Variants in AASS observed in about 807,000 individuals in gnomAD.
AASS encodes aminoadipate-semialdehyde synthase, also known as alpha-aminoadipic semialdehyde synthase, mitochondrial.
Under a neutral mutation model 105.4 loss-of-function variants are expected in AASS, and 86 were observed. The observed-to-expected ratio is 0.82, with a 90% CI of 0.69 to 0.98. The LOEUF (loss-of-function observed/expected upper bound fraction) is 0.98, where lower values mean the gene tolerates loss of function less well. AASS is among the 50% of genes least tolerant of loss of function. The probability of loss-of-function intolerance (pLI) is 0.00; values close to 1 mark genes in which losing one functional copy is unlikely to be tolerated. For synonymous variants in AASS, 381 were observed against 394.8 expected, an observed-to-expected ratio of 0.96 and a Z score of 0.41; for missense variants, 1,048 against 1,143.2, an observed-to-expected ratio of 0.92 and a Z score of 1.20.
intron 17 of AASS, 89 bp downstream of exon 17, chr7:122,092,754 A>G (rs554942650): frequency 1.8e-6 from 2 of 1,099,852 alleles, no homozygotes; most frequent in East Asian, 4.7e-5. Context: ...CTTTGATTAA[A>G]GGTGTTGCTA....
intron 4 of AASS, among the ~76,000 whole-genome samples, chr7:122,122,382 C>T (rs1447637019): frequency 6.6e-6 from 1 of 152,032 alleles, no homozygotes; most frequent in Non-Finnish European, 1.5e-5. Flanking sequence ...TATTTGGAGT[C>T]CCAGAAGGAA....
At chr7:122,125,792 ACT>A (rs57710520) in intron 4 of AASS, among the ~76,000 whole-genome samples, 94,686 of 151,366 alleles carry the variant, frequency 0.63, 31,405 homozygotes, top group African/African-American at 0.87. Flanking sequence ...AAGAGAAGTT[ACT>A]ATTTATTCCT....
chr7:122,115,051 C>T (rs759954179), intron 9 of AASS, 23 bp downstream of exon 9: 50 of 1,613,940 alleles, frequency 3.1e-5, no homozygotes, highest in East Asian at 6.7e-5. Context: ...AAACTACTAT[C>T]GTTGCTGAAG....
Position 122,086,038 on chromosome 7 carries a change from A to T in AASS, c.2158T>A (p.Leu720Met). 1.9e-6 allele frequency: 3 copies of T among 1,613,692 alleles called. No individual in the cohort carries two copies. The highest frequency in any genetic ancestry group is 2.5e-6 in the Non-Finnish European group (3 of 1,179,762). Reference sequence around the variant, plus strand: ...TTATATCTCAGTGTCCCCCGCAACAAAGTGTGAGCAGAAGAAATGCCATAA... The same window carrying T: ...TTATATCTCAGTGTCCCCCGCAACATAGTGTGAGCAGAAGAAATGCCATAA... ...EIYGISSAHT[L>M]LRGTLRYKGY... The change falls in exon 19 of 24, where the codon TTG (leucine) becomes ATG (methionine). Residue 720 changes from leucine to methionine, a missense_variant. Coordinates refer to ENST00000417368, the MANE Select transcript of AASS (RefSeq NM_005763.4).
intron 2 of AASS, among the ~76,000 whole-genome samples, chr7:122,130,033 A>T (rs980729346): frequency 2.0e-5 from 3 of 152,112 alleles, no homozygotes; most frequent in Non-Finnish European, 4.4e-5. Flanking sequence ...AAGATTGTCA[A>T]GATCCCTTGT....
intron 23 of AASS, among the ~76,000 whole-genome samples, chr7:122,077,134 T>C (rs2150505731): frequency 6.6e-6 from 1 of 152,312 alleles, no homozygotes; most frequent in Non-Finnish European, 1.5e-5. Flanking sequence ...TCATTTAATT[T>C]GACATTAGCT....
At position 122,133,554 on chromosome 7, in the gene AASS, A is replaced by T. The variant is rs1296680268; in HGVS notation, c.173T>A (p.Leu58Ter). The T allele has an allele frequency of 6.2e-7, 1 of 1,614,232 alleles. No individual in the cohort carries two copies. The highest frequency in any genetic ancestry group is 8.5e-7 in the Non-Finnish European group (1 of 1,180,044). ...GGCCCGCCGATTCGAAGGCTGTATC[A>T]AGACCTTGTATCCCAGATTGGTGAT... ...KGITNLGYKV[L>*]IQPSNRRAIH... is the part of the protein sequence containing the mutation. The change falls in exon 2 of 24, where the codon TTG becomes TAG. Residue 58 changes from leucine (L) to a stop codon, truncating the protein, a stop_gained. Coordinates refer to ENST00000417368, the MANE Select transcript of AASS (RefSeq NM_005763.4). LOFTEE classifies it high-confidence loss of function.
At chr7:122,077,109 C>A (rs1048591905) in intron 23 of AASS, among the ~76,000 whole-genome samples, 2 of 152,168 alleles carry the variant, frequency 1.3e-5, no homozygotes, top group African/African-American at 4.8e-5. Flanking sequence ...ATTGATTCCT[C>A]AATAACTAAG....
chr7:122,113,787 A>AG, intron 9 of AASS, 67 bp from the exon 10 acceptor site: 2 of 1,585,054 alleles, frequency 1.3e-6, no homozygotes, highest in South Asian at 2.2e-5. Context: ...ACTAAAAAAA[A>AG]AGGAGTTTGG....
Position 122,086,286 on chromosome 7 carries a change from T to A in AASS, c.2017-107A>T, listed in dbSNP as rs117605269. 3.3e-3 allele frequency: 3,608 copies of A among 1,105,830 alleles called. 3 individuals are homozygous for A. Among genetic ancestry groups the A allele is most frequent in the Non-Finnish European group, 3.9e-3 (2,989 of 763,392 alleles). 68.5% of individuals were successfully genotyped at this position (1,105,830 alleles called of 1,614,324 possible). On this transcript the variant is annotated intron_variant, in intron 18 of 23. Transcript: ENST00000417368. ...AGCAACAGAAATTTGAAAAAAAAAA[T>A]AAAAATAATGAAACCACCATAATCA...
chr7:122,109,450 A>T (rs1474663131), intron 11 of AASS, among the ~76,000 whole-genome samples: 2 of 152,118 alleles, frequency 1.3e-5, no homozygotes, highest in African/African-American at 4.8e-5. Context: ...ATAACAGCAG[A>T]CACATAAACC....
At chr7:122,080,828 A>G (rs1332707158) in intron 20 of AASS, among the ~76,000 whole-genome samples, 1 of 152,190 alleles carries the variant, frequency 6.6e-6, no homozygotes, top group Non-Finnish European at 1.5e-5. Flanking sequence ...GATGTAATGG[A>G]ATTAGCAACA....
intron 9 of AASS, among the ~76,000 whole-genome samples, 189 bp downstream of exon 9, chr7:122,114,868 CCCATCTCTAAAGATAAA>C (rs1211935539): frequency 1.3e-5 from 2 of 151,656 alleles, no homozygotes; most frequent in Non-Finnish European, 2.9e-5. Flanking sequence ...ATAACAAGAC[CCCATCTCTAAAGATAAA>C]TATATACAAT....
chr7:122,086,886 T>C (rs1793654747), intron 18 of AASS, among the ~76,000 whole-genome samples: 1 of 152,200 alleles, frequency 6.6e-6, no homozygotes, highest in African/African-American at 2.4e-5. Flanking sequence ...CTCTTTCCCA[T>C]ACCCCTACCC....
At chr7:122,090,794 G>A (rs1428885213) in intron 18 of AASS, among the ~76,000 whole-genome samples, 1 of 152,090 alleles carries the variant, frequency 6.6e-6, no homozygotes, top group African/African-American at 2.4e-5. Flanking sequence ...AAGTGTAGCT[G>A]TTATCTTAAC....
At chr7:122,080,593 C>T (rs187822018) in intron 20 of AASS, among the ~76,000 whole-genome samples, 1 of 151,996 alleles carries the variant, frequency 6.6e-6, no homozygotes, top group East Asian at 1.9e-4. Context: ...CACAAATGCA[C>T]ACAAAAAAAA....
intron 8 of AASS, among the ~76,000 whole-genome samples, chr7:122,115,812 A>G (rs1288550157): frequency 6.6e-6 from 1 of 152,198 alleles, no homozygotes; most frequent in Non-Finnish European, 1.5e-5. Flanking sequence ...AAGATTTCTT[A>G]GATTCCAAAT....
At chr7:122,127,479 A>C (rs2150548477) in intron 3 of AASS, among the ~76,000 whole-genome samples, 1 of 152,188 alleles carries the variant, frequency 6.6e-6, no homozygotes, top group African/African-American at 2.4e-5. Flanking sequence ...ATTTTCTTAT[A>C]ATGAACAAAA....
chr7:122,104,629 T>G (rs1452904049), intron 11 of AASS, among the ~76,000 whole-genome samples: 1 of 151,988 alleles, frequency 6.6e-6, no homozygotes, highest in East Asian at 1.9e-4. Context: ...TTTGCAGCAA[T>G]CTGGATGCAG....
Sources: allele counts gnomAD v4.1 joint callset (sites outside exome capture counted in the v4.1 genomes callset), GRCh38; gene constraint gnomAD v4.1.1; transcripts MANE v1.5; gene names NCBI Gene and HGNC (gene_info 2026-07-23, HGNC 2026-07-21).